Variants in COL14A1 observed in about 807,000 individuals in gnomAD.
COL14A1 encodes collagen alpha-1(XIV) chain.
In COL14A1, 136 loss-of-function variants were observed where a neutral mutation model predicts 230.3. The observed-to-expected ratio is 0.59, with a 90% CI of 0.51 to 0.68. COL14A1 has a LOEUF of 0.68. COL14A1 is among the 30% of genes least tolerant of loss of function. The pLI, the probability that COL14A1 is intolerant of heterozygous loss-of-function variation, is 0.00. For synonymous variants in COL14A1, 792 were observed against 784.1 expected, an observed-to-expected ratio of 1.01 and a Z score of -0.17; for missense variants, 1,976 against 2,215.8, an observed-to-expected ratio of 0.89 and a Z score of 2.17.
At chr8:120,231,358 C>A in intron 18 of COL14A1, 109 bp from the exon 19 acceptor site, 1 of 1,173,164 alleles carries the variant, frequency 8.5e-7, no homozygotes, top group Non-Finnish European at 1.2e-6. Flanking sequence ...AACTATATTA[C>A]AGGGATACAT....
At chr8:120,221,545 TAC>T (rs908974335) in intron 14 of COL14A1, among the ~76,000 whole-genome samples, 6 of 129,656 alleles carry the variant, frequency 4.6e-5, no homozygotes, top group Admixed American at 1.7e-4. Context: ...TTTTAACAGA[TAC>T]ACACACACAC....
At chr8:120,138,544 C>A (rs149733906) in intron 1 of COL14A1, among the ~76,000 whole-genome samples, 1 of 152,252 alleles carries the variant, frequency 6.6e-6, no homozygotes, top group African/African-American at 2.4e-5. Context: ...TGGGGAGTTC[C>A]TTCAGAGAGA....
At chr8:120,304,676 T>G (rs932913951) in intron 36 of COL14A1, among the ~76,000 whole-genome samples, 1 of 152,214 alleles carries the variant, frequency 6.6e-6, no homozygotes, top group African/African-American at 2.4e-5. Context: ...CTTTGTCTAA[T>G]TTTTTAATTT....
rs144184559 is a variant in COL14A1, at chr8:120,181,439, T to A, written c.436+13192T>A. ...AACAATTTTCTTTTACAAACAATGA[T>A]GTAACACATACACTCTCAATGGGAG... On this transcript the variant is annotated intron_variant, in intron 5 of 47. Transcript: ENST00000297848. Among the ~76,000 whole-genome samples the A allele has an allele frequency of 2.8e-3, 429 of 152,294 alleles. 1 individual carries two copies. The highest frequency in any genetic ancestry group is 9.9e-3 in the African/African-American group (411 of 41,560).
chr8:120,233,702 G>A (rs1818351583), intron 19 of COL14A1, among the ~76,000 whole-genome samples: 1 of 152,178 alleles, frequency 6.6e-6, no homozygotes, highest in African/African-American at 2.4e-5. Context: ...CCAATACCAA[G>A]CTGTTTTGGT....
chr8:120,171,122 A>G (rs1271015957), intron 5 of COL14A1, among the ~76,000 whole-genome samples: 1 of 152,000 alleles, frequency 6.6e-6, no homozygotes, highest in Non-Finnish European at 1.5e-5. Context: ...CCATTTTAGC[A>G]CTTACTGACC....
At chr8:120,370,933 CT>C in intron 47 of COL14A1, 1 of 1,156,822 alleles carries the variant, frequency 8.6e-7, no homozygotes. Flanking sequence ...GGTTATGATT[CT>C]AGTTTTCTAA....
In COL14A1 at chr8:120,147,925, G is replaced by A; in HGVS notation, c.83G>A (p.Gly28Asp). 1 of 1,612,588 alleles carries A rather than the reference G, an allele frequency of 6.2e-7. No individual in the cohort carries two copies. The highest frequency in any genetic ancestry group is 1.1e-5 in the South Asian group (1 of 91,004). The change falls in exon 2 of 48, where the codon GGT (glycine) becomes GAT (aspartate). Residue 28 changes from glycine to aspartate, a missense_variant. Gly to Asp is a moderately conservative substitution (Grantham distance 94, BLOSUM62 -1). Coordinates refer to ENST00000297848, the MANE Select transcript of COL14A1 (RefSeq NM_021110.4). ...GTTTATTTCTGCACCATTGTCCAAG[G>A]TCAAGGTAATTGAAAACTTTGAGAA... ...AIVYFCTIVQ[G>D]QVAPPTRLRY... is the part of the protein sequence containing the mutation.
intron 40 of COL14A1, among the ~76,000 whole-genome samples, chr8:120,316,588 T>G (rs184022848): frequency 1.3e-5 from 2 of 152,160 alleles, no homozygotes; most frequent in East Asian, 3.9e-4. Context: ...GGAAGAAATA[T>G]AACTAAATAA....
chr8:120,340,186 G>A (rs1822246077), intron 42 of COL14A1, among the ~76,000 whole-genome samples: 1 of 151,964 alleles, frequency 6.6e-6, no homozygotes, highest in Non-Finnish European at 1.5e-5. Context: ...GATAGAGCCA[G>A]GGTGGGCTGC....
At chr8:120,362,720 T>G (rs1408866567) in intron 45 of COL14A1, among the ~76,000 whole-genome samples, 2 of 152,180 alleles carry the variant, frequency 1.3e-5, no homozygotes, top group East Asian at 3.9e-4. Flanking sequence ...ATGAGAAATC[T>G]CTGTATCTTT....
At chr8:120,198,565 A>G (rs1817123110) in intron 7 of COL14A1, among the ~76,000 whole-genome samples, 1 of 149,294 alleles carries the variant, frequency 6.7e-6, no homozygotes, top group African/African-American at 2.4e-5. Flanking sequence ...TGCCAACATG[A>G]TGCTAAAAAA....
chr8:120,278,502 A>G lies in COL14A1; in HGVS notation c.3405A>G (p.Pro1135=), dbSNP rs1343646037. The G allele has an allele frequency of 2.5e-6, 4 of 1,613,172 alleles. No homozygotes were observed. The Admixed American group carries it at 6.7e-5, about 27-fold the overall frequency. ...AGTCAGGTACAAGAAGGGGCATCCC[A>G]AAGGTTATCGTGGTTATAACTGATG... ...TAESGTRRGI[P]KVIVVITDGR... is the part of the protein sequence containing the mutation. The change falls in exon 28 of 48, where the codon CCA becomes CCG. Residue 1135 remains proline (P), a synonymous_variant. Coordinates refer to ENST00000297848, the MANE Select transcript of COL14A1 (RefSeq NM_021110.4).
chr8:120,170,721 A>G (rs1355940010), intron 5 of COL14A1, among the ~76,000 whole-genome samples: 5 of 152,006 alleles, frequency 3.3e-5, no homozygotes, highest in South Asian at 4.1e-4. Context: ...TTTCTAGTCA[A>G]TTTTTCTTTT....
chr8:120,190,274 A>G (rs2130678952), intron 5 of COL14A1, among the ~76,000 whole-genome samples: 1 of 152,264 alleles, frequency 6.6e-6, no homozygotes, highest in African/African-American at 2.4e-5. Context: ...TTGGCTGCAT[A>G]AATGTCTTCT....
At chr8:120,128,218 T>C (rs1047408354) in intron 1 of COL14A1, among the ~76,000 whole-genome samples, 1,093 of 98,718 alleles carry the variant, frequency 0.011, 21 homozygotes, top group African/African-American at 0.045. Flanking sequence ...TGTGTGTGTG[T>C]GTGCGCGCGC....
intron 8 of COL14A1, 28 bp from the exon 9 acceptor site, chr8:120,203,681 C>T: frequency 6.2e-7 from 1 of 1,610,614 alleles, no homozygotes. Context: ...ATAAAAGTCA[C>T]CATTCTCTTT....
chr8:120,167,562 G>A (rs1815948275), intron 4 of COL14A1, among the ~76,000 whole-genome samples: 1 of 152,194 alleles, frequency 6.6e-6, no homozygotes, highest in Admixed American at 6.5e-5. Context: ...TTTATTAAAA[G>A]GCCAAGGGGC....
chr8:120,346,320 G>A (rs1822507818), intron 45 of COL14A1, among the ~76,000 whole-genome samples: 1 of 152,158 alleles, frequency 6.6e-6, no homozygotes, highest in Admixed American at 6.5e-5. Flanking sequence ...CATTCCAGAA[G>A]CAGGTAAAGG....
Sources: gnomAD v4.1 joint callset for allele counts (sites outside exome capture counted in the v4.1 genomes callset) on GRCh38, gnomAD v4.1.1 for gene constraint, MANE v1.5 for transcripts, NCBI Gene and HGNC (gene_info 2026-07-23, HGNC 2026-07-21) for gene names.